TMEM123: variants seen among roughly 807,000 people sequenced by gnomAD.
TMEM123 encodes the protein porimin.
Under a neutral mutation model 19.7 loss-of-function variants are expected in TMEM123, and 16 were observed. That is an observed-to-expected ratio of 0.81 (90% CI 0.55 to 1.23). The LOEUF (loss-of-function observed/expected upper bound fraction) is 1.23, where lower values mean the gene tolerates loss of function less well. Ranked by LOEUF, TMEM123 falls within the 50% of genes most tolerant of loss-of-function variation. The probability of loss-of-function intolerance (pLI) is 0.00; values close to 1 mark genes in which losing one functional copy is unlikely to be tolerated. For missense variants in TMEM123, 313 were observed against 257.8 expected, an observed-to-expected ratio of 1.21 and a Z score of -1.47; for synonymous variants, 118 against 99.4, an observed-to-expected ratio of 1.19 and a Z score of -1.12.
At chr11:102,446,232 C>T (rs1351842832) in intron 2 of TMEM123, among the ~76,000 whole-genome samples, 1 of 152,186 alleles carries the variant, frequency 6.6e-6, no homozygotes, top group African/African-American at 2.4e-5. Flanking sequence ...AGTGTAAATT[C>T]ATCCATCCAC....
At chr11:102,452,298 G>A (rs1197180640) in intron 1 of TMEM123, 10 of 393,462 alleles carry the variant, frequency 2.5e-5, no homozygotes, top group Non-Finnish European at 4.5e-5. Flanking sequence ...TCCAAAAAGC[G>A]AGAGGGGAAG....
chr11:102,448,665 C>T lies in TMEM123; in HGVS notation c.157+147G>A, dbSNP rs1857907845. ...TCACTTACTGATGTCTACTATAGGG[C>T]ACTAGGGCAGGTTATTGGGATTCAT... On this transcript the variant is annotated intron_variant, in intron 2 of 4. Transcript: ENST00000398136. 5 of 685,962 alleles carry T rather than the reference C, an allele frequency of 7.3e-6. No individual in the cohort carries two copies. In the Admixed American group the frequency reaches 1.1e-4, roughly 15 times the overall value. 42.5% of individuals were successfully genotyped at this position (685,962 alleles called of 1,614,324 possible).
In TMEM123 at chr11:102,401,554, A is replaced by T. The variant is rs1259761992; in HGVS notation, c.587T>A (p.Ile196Asn). ...GCKMYYSRRGIRYRTIDEHDA... is the reference protein window; with the variant it reads ...GCKMYYSRRGNRYRTIDEHDA... The stretch of plus-strand genomic sequence containing the variant: ...CAAAACTTACATGGTTCGATACCGA[A>T]TGCCTCTTCTTGAGTAATACATTTT... The change falls in exon 4 of 5, where the codon ATT becomes AAT. Residue 196 changes from isoleucine (I) to asparagine (N), a missense_variant. Transcript: ENST00000398136. The T allele has an allele frequency of 6.3e-7, 1 of 1,585,798 alleles. No individual in the cohort carries two copies. Among genetic ancestry groups the T allele is most frequent in the African/African-American group, 1.4e-5 (1 of 72,998 alleles).
chr11:102,431,246 T>C (rs1450541099), intron 2 of TMEM123, among the ~76,000 whole-genome samples: 3 of 152,230 alleles, frequency 2.0e-5, no homozygotes, highest in South Asian at 4.1e-4. Flanking sequence ...TAAATAAATA[T>C]AGGCATTACC....
chr11:102,452,245 C>T (rs748712771), intron 1 of TMEM123: 48 of 340,068 alleles, frequency 1.4e-4, no homozygotes, highest in Non-Finnish European at 2.3e-4. Flanking sequence ...CTTGCGGTAA[C>T]TCAACAGGTT....
At chr11:102,406,848 G>A (rs547747481) in intron 2 of TMEM123, among the ~76,000 whole-genome samples, 2 of 149,358 alleles carry the variant, frequency 1.3e-5, no homozygotes, top group African/African-American at 4.9e-5. Context: ...TCCAGCCTGG[G>A]CAACAGAGCG....
chr11:102,400,858 G>GA (rs1156592803), intron 4 of TMEM123, among the ~76,000 whole-genome samples: 2 of 152,246 alleles, frequency 1.3e-5, no homozygotes, highest in East Asian at 3.9e-4. Flanking sequence ...CCAGCTGTAT[G>GA]ATACTTTGTT....
At position 102,396,872 on chromosome 11, in the gene TMEM123, T is replaced by TAAAG. The variant is rs765470764; in HGVS notation, c.*1991_*1994dup. 4 of 152,310 alleles carry TAAAG rather than the reference T, an allele frequency of 2.6e-5. No individual in the cohort carries two copies. The East Asian group carries it at 7.7e-4, about 29-fold the overall frequency. 9.4% of individuals were successfully genotyped at this position (152,310 alleles called of 1,614,324 possible). ...AGTGGTTTTTCTATCTTCAAAGTGC[T>TAAAG]AAAGAAACAAGTATTCAAAAAGAAA... On this transcript the variant is annotated 3_prime_UTR_variant, in exon 5 of 5. Transcript: ENST00000398136.
At chr11:102,433,194 C>A (rs555595579) in intron 2 of TMEM123, among the ~76,000 whole-genome samples, 75 of 152,050 alleles carry the variant, frequency 4.9e-4, no homozygotes, top group African/African-American at 1.8e-3. Flanking sequence ...ACAGCTTGCA[C>A]TGTGTCTGGA....
chr11:102,399,548 C>G (rs1048966851), intron 4 of TMEM123, among the ~76,000 whole-genome samples: 1 of 152,202 alleles, frequency 6.6e-6, no homozygotes, highest in Non-Finnish European at 1.5e-5. Context: ...CCTTAATATT[C>G]TTTTAAAATC....
chr11:102,436,622 TTAACTC>T, intron 2 of TMEM123, among the ~76,000 whole-genome samples: 1 of 152,062 alleles, frequency 6.6e-6, no homozygotes, highest in African/African-American at 2.4e-5. Context: ...CAATTATTGT[TTAACTC>T]TACTTACTGC....
At chr11:102,416,188 T>TACAA (rs1174748253) in intron 2 of TMEM123, among the ~76,000 whole-genome samples, 1 of 152,216 alleles carries the variant, frequency 6.6e-6, no homozygotes, top group Non-Finnish European at 1.5e-5. Context: ...GTGTTGGGAT[T>TACAA]ACAAGGTGTG....
At chr11:102,449,822 C>T (rs562596248) in intron 1 of TMEM123, among the ~76,000 whole-genome samples, 31 of 152,308 alleles carry the variant, frequency 2.0e-4, no homozygotes, top group African/African-American at 7.2e-4. Context: ...CTAACCCTCT[C>T]AACAATTCTT....
chr11:102,405,784 C>T (rs780758072), intron 2 of TMEM123, among the ~76,000 whole-genome samples: 46 of 152,106 alleles, frequency 3.0e-4, no homozygotes, highest in Admixed American at 2.2e-3. Flanking sequence ...GTTAGTTCTC[C>T]GCTAAGTCAA....
At chr11:102,427,308 TG>T (rs1952137241) in intron 2 of TMEM123, among the ~76,000 whole-genome samples, 1 of 152,116 alleles carries the variant, frequency 6.6e-6, no homozygotes, top group Non-Finnish European at 1.5e-5. Flanking sequence ...TTGAGCTTTT[TG>T]TTGACTGAAT....
chr11:102,417,726 A>G (rs1455235773), intron 2 of TMEM123, among the ~76,000 whole-genome samples: 1 of 152,228 alleles, frequency 6.6e-6, no homozygotes, highest in Admixed American at 6.5e-5. Context: ...TCATCATGCT[A>G]CCTGACTTTA....
chr11:102,398,928 T>C (rs778050976), intron 4 of TMEM123, 37 bp from the exon 5 acceptor site: 5 of 1,580,080 alleles, frequency 3.2e-6, no homozygotes, highest in Non-Finnish European at 4.3e-6. Context: ...CTTTGTTTTG[T>C]TTTTTCTGTC....
chr11:102,428,461 C>G, intron 2 of TMEM123, among the ~76,000 whole-genome samples: 1 of 151,472 alleles, frequency 6.6e-6, no homozygotes, highest in East Asian at 1.9e-4. Context: ...GCCACCACAC[C>G]CAGCTTTTTT....
chr11:102,452,417 GCCAGA>G (rs1857951798), intron 1 of TMEM123, 102 bp downstream of exon 1: 1 of 1,002,442 alleles, frequency 1.0e-6, no homozygotes, highest in African/African-American at 1.7e-5. Flanking sequence ...CGAGCGTTCG[GCCAGA>G]CACACGCGGA....
Sources: allele counts gnomAD v4.1 joint callset (sites outside exome capture counted in the v4.1 genomes callset), GRCh38; gene constraint gnomAD v4.1.1; transcripts MANE v1.5; gene names NCBI Gene and HGNC (gene_info 2026-07-23, HGNC 2026-07-21).